The following ANK2 variants were observed in gnomAD, a reference collection of about 807,000 sequenced individuals.
ANK2 encodes ankyrin 2.
Under a neutral mutation model 360.5 loss-of-function variants are expected in ANK2, and 83 were observed. The observed-to-expected ratio is 0.23, with a 90% CI of 0.19 to 0.28. ANK2 has a LOEUF of 0.28. Among genes scored for constraint, ANK2 ranks in the 10% least tolerant of loss-of-function variants. ANK2 has a pLI of 1.00. For missense variants in ANK2, 4,201 were observed against 4,795.7 expected, an observed-to-expected ratio of 0.88 and a Z score of 3.66; for synonymous variants, 1,740 against 1,759.5, an observed-to-expected ratio of 0.99 and a Z score of 0.28.
chr4:113,051,211 G>A (rs2066846831), intron 1 of ANK2, among the ~76,000 whole-genome samples: 1 of 151,964 alleles, frequency 6.6e-6, no homozygotes, highest in South Asian at 2.1e-4. Flanking sequence ...GCAAGAGAGA[G>A]GGAAAAAGAA....
chr4:113,007,921 T>C (rs2053464416), intron 2 of ANK2, among the ~76,000 whole-genome samples: 1 of 152,108 alleles, frequency 6.6e-6, no homozygotes, highest in South Asian at 2.1e-4. Flanking sequence ...CATAGTTCTG[T>C]TCCTGATTAC....
At chr4:112,845,108 C>T (rs915217980) in intron 1 of ANK2, among the ~76,000 whole-genome samples, 10 of 152,128 alleles carry the variant, frequency 6.6e-5, no homozygotes, top group Non-Finnish European at 1.5e-4. Context: ...AAAATCCTAC[C>T]ATGCTAACAA....
intron 1 of ANK2, among the ~76,000 whole-genome samples, chr4:113,105,284 T>C (rs1392308319): frequency 6.6e-6 from 1 of 152,252 alleles, no homozygotes; most frequent in African/African-American, 2.4e-5. Flanking sequence ...TCTGGAGAAT[T>C]GTAAAAGAAT....
intron 2 of ANK2, among the ~76,000 whole-genome samples, chr4:112,971,011 G>A (rs968885664): frequency 2.0e-5 from 3 of 151,880 alleles, no homozygotes; most frequent in Admixed American, 6.6e-5. Flanking sequence ...ACAGGTAAAA[G>A]GGGAAAATAT....
chr4:112,992,764 C>T (rs529069445), intron 2 of ANK2, among the ~76,000 whole-genome samples: 1 of 152,270 alleles, frequency 6.6e-6, no homozygotes, highest in East Asian at 1.9e-4. Flanking sequence ...TCAAGGATTC[C>T]ATCTCCAAAT....
At chr4:113,040,172 C>A (rs867619295) in intron 2 of ANK2, among the ~76,000 whole-genome samples, 1 of 151,972 alleles carries the variant, frequency 6.6e-6, no homozygotes, top group Non-Finnish European at 1.5e-5. Flanking sequence ...GATGATAATG[C>A]GTCCTAAAAA....
At position 113,382,918 on chromosome 4, in the gene ANK2, T is replaced by A. The variant is rs1460048590; in HGVS notation, c.*1447T>A. 2.6e-5 allele frequency: 4 copies of A among 152,608 alleles called. No homozygotes were observed. Among genetic ancestry groups the A allele is most frequent in the Non-Finnish European group, 5.9e-5 (4 of 68,036 alleles). 9.5% of individuals were successfully genotyped at this position (152,608 alleles called of 1,614,324 possible). On this transcript the variant is annotated 3_prime_UTR_variant, in exon 46 of 46. Coordinates refer to ENST00000357077, the MANE Select transcript of ANK2 (RefSeq NM_001148.6). ...TTAAGTGCATTTGTGCACTTCTGTT[T>A]GTTTGTCTCAAAGAAGGGACTGTAA...
chr4:113,353,664 AC>A lies in ANK2; in HGVS notation c.5051del (p.Pro1684GlnfsTer17). On this transcript the variant is annotated frameshift_variant, in exon 38 of 46. Transcript: ENST00000357077. LOFTEE classifies it high-confidence loss of function. ...RSSEKEGKDIPPDETQSTQKQ... is the reference protein window; with the variant it reads ...RSSEKEGKDIXPDETQSTQKQ... ...GCTCTGAAAAGGAAGGGAAAGACAT[AC>A]CCCCAGATGAGACACAGAGTACACA... 1 of 1,614,002 alleles carries A rather than the reference AC, an allele frequency of 6.2e-7. No homozygotes were observed. Among genetic ancestry groups the A allele is most frequent in the Non-Finnish European group, 8.5e-7 (1 of 1,179,974 alleles).
intron 36 of ANK2, among the ~76,000 whole-genome samples, chr4:113,348,787 G>T (rs1175782155): frequency 1.3e-5 from 2 of 152,038 alleles, no homozygotes; most frequent in African/African-American, 4.8e-5. Context: ...GCAATTAATG[G>T]AATGTATGCT....
At chr4:112,916,186 G>A (rs2089772301) in intron 2 of ANK2, among the ~76,000 whole-genome samples, 1 of 152,190 alleles carries the variant, frequency 6.6e-6, no homozygotes, top group Admixed American at 6.5e-5. Context: ...CCAGTCACAT[G>A]AATCTGCAGG....
chr4:112,783,289 C>A, the ANK2 span, among the ~76,000 whole-genome samples: 2 of 152,184 alleles, frequency 1.3e-5, no homozygotes, highest in Non-Finnish European at 2.9e-5. Context: ...CACCTCTTAG[C>A]TTAAGAAATA....
chr4:113,326,171 C>T (rs1295854109), intron 26 of ANK2, among the ~76,000 whole-genome samples: 2 of 152,024 alleles, frequency 1.3e-5, no homozygotes, highest in African/African-American at 2.4e-5. Flanking sequence ...TTGTTTTTTA[C>T]GTGGTAGAAT....
chr4:113,057,632 A>G (rs2070771147), intron 1 of ANK2, among the ~76,000 whole-genome samples: 1 of 152,058 alleles, frequency 6.6e-6, no homozygotes, highest in African/African-American at 2.4e-5. Flanking sequence ...CACTCATTTT[A>G]CCTGTGAAAA....
At chr4:113,279,190 G>A (rs896552288) in intron 17 of ANK2, among the ~76,000 whole-genome samples, 19 of 152,094 alleles carry the variant, frequency 1.2e-4, no homozygotes, top group African/African-American at 4.1e-4. Context: ...AATGCATAAA[G>A]TCCTCATTGC....
At chr4:113,169,083 A>T (rs1237882353) in intron 1 of ANK2, among the ~76,000 whole-genome samples, 1 of 152,178 alleles carries the variant, frequency 6.6e-6, no homozygotes, top group East Asian at 1.9e-4. Context: ...AATTTGATTT[A>T]TTATTGTTAT....
chr4:113,183,227 A>T (rs575993358), intron 2 of ANK2, among the ~76,000 whole-genome samples: 2 of 151,628 alleles, frequency 1.3e-5, no homozygotes, highest in Admixed American at 6.6e-5. Context: ...AGAGGAGGGG[A>T]TGGAGGTGGA....
intron 2 of ANK2, among the ~76,000 whole-genome samples, chr4:112,914,883 T>G (rs1387705507): frequency 6.6e-6 from 1 of 152,206 alleles, no homozygotes; most frequent in East Asian, 1.9e-4. Flanking sequence ...GGGAAAAGTC[T>G]GTTGGGGATA....
At chr4:113,319,948 C>G (rs2085144478) in intron 26 of ANK2, among the ~76,000 whole-genome samples, 1 of 152,056 alleles carries the variant, frequency 6.6e-6, no homozygotes. Flanking sequence ...TCATATGCAG[C>G]CTACAAAGTG....
intron 1 of ANK2, among the ~76,000 whole-genome samples, chr4:113,164,953 T>G (rs140108352): frequency 0.037 from 5,573 of 152,330 alleles, 163 homozygotes; most frequent in Non-Finnish European, 0.055. Flanking sequence ...AAAAGTTCTC[T>G]CTTTTTTCTC....
Sources: allele counts gnomAD v4.1 joint callset (sites outside exome capture counted in the v4.1 genomes callset), GRCh38; gene constraint gnomAD v4.1.1; transcripts MANE v1.5; gene names NCBI Gene and HGNC (gene_info 2026-07-23, HGNC 2026-07-21).